HIVEP3: variants seen among roughly 807,000 people sequenced by gnomAD.
The protein encoded by HIVEP3 is transcription factor HIVEP3.
A neutral mutation model predicts 152.8 loss-of-function variants in HIVEP3; 49 were observed. The observed-to-expected ratio is 0.32, with a 90% CI of 0.26 to 0.41. The LOEUF (loss-of-function observed/expected upper bound fraction) is 0.41, where lower values mean the gene tolerates loss of function less well. HIVEP3 is among the 10% of genes least tolerant of loss of function. HIVEP3 has a pLI of 1.00. For synonymous variants in HIVEP3, 1,269 were observed against 1,289.0 expected (o/e 0.98, Z 0.33); for missense variants, 2,790 against 3,103.3 (o/e 0.90, Z 2.40).
At chr1:41,867,932 C>A (rs698047) in intron 1 of HIVEP3, among the ~76,000 whole-genome samples, 2 of 142,356 alleles carry the variant, frequency 1.4e-5, no homozygotes, top group Admixed American at 7.0e-5. Flanking sequence ...GCCCTCCCCC[C>A]TCCCCTTCCA....
At chr1:41,771,731 T>C (rs1336189897) in intron 1 of HIVEP3, among the ~76,000 whole-genome samples, 1 of 152,068 alleles carries the variant, frequency 6.6e-6, no homozygotes, top group African/African-American at 2.4e-5. Context: ...TGCAGTGGTG[T>C]AATCTTGGCT....
At chr1:41,675,825 T>G (rs1645945788) in intron 2 of HIVEP3, among the ~76,000 whole-genome samples, 1 of 152,130 alleles carries the variant, frequency 6.6e-6, no homozygotes, top group Admixed American at 6.5e-5. Context: ...GGGTGGTGGG[T>G]GAGCCCATGG....
rs1341502248 is a variant in HIVEP3, at chr1:41,510,085, G to T, written c.*366C>A. On this transcript the variant is annotated 3_prime_UTR_variant, in exon 9 of 9. Coordinates refer to ENST00000372583, the MANE Select transcript of HIVEP3 (RefSeq NM_024503.5). Reference sequence around the variant, plus strand: ...AAGTTTCCTTTTCCTTTCTCCCTCAGTGTACCCCTTTCCCTCTGCCAGCCT... The same window carrying T: ...AAGTTTCCTTTTCCTTTCTCCCTCATTGTACCCCTTTCCCTCTGCCAGCCT... 1 of 193,924 alleles carries T rather than the reference G, an allele frequency of 5.2e-6. No individual in the cohort carries two copies. The highest frequency in any genetic ancestry group is 1.2e-4 in the East Asian group (1 of 8,130). 12.0% of individuals were successfully genotyped at this position (193,924 alleles called of 1,614,324 possible).
intron 1 of HIVEP3, among the ~76,000 whole-genome samples, chr1:42,028,016 G>A (rs1645592195): frequency 6.6e-6 from 1 of 152,098 alleles, no homozygotes; most frequent in Admixed American, 6.5e-5. Flanking sequence ...ATTTCTTCAT[G>A]GCTTACTTTT....
At chr1:41,689,454 A>G (rs1415530464) in intron 2 of HIVEP3, among the ~76,000 whole-genome samples, 1 of 152,176 alleles carries the variant, frequency 6.6e-6, no homozygotes, top group African/African-American at 2.4e-5. Context: ...GGGTAGGGTC[A>G]CTGGTGGGGA....
At chr1:41,811,427 T>C (rs1259101179) in intron 1 of HIVEP3, among the ~76,000 whole-genome samples, 4 of 151,814 alleles carry the variant, frequency 2.6e-5, no homozygotes, top group Non-Finnish European at 1.5e-5. Context: ...CCTCACCCCA[T>C]AGAAACACAA....
chr1:41,872,491 T>A (rs551678606), intron 1 of HIVEP3, among the ~76,000 whole-genome samples: 3 of 152,126 alleles, frequency 2.0e-5, no homozygotes, highest in Non-Finnish European at 4.4e-5. Context: ...AAGTACGGAG[T>A]CCTTCTCAGG....
intron 1 of HIVEP3, among the ~76,000 whole-genome samples, chr1:41,728,254 A>T (rs1461471851): frequency 6.6e-6 from 1 of 152,192 alleles, no homozygotes; most frequent in Middle Eastern, 3.2e-3. Flanking sequence ...AAGCTAGAAC[A>T]ATAAGCATAT....
intron 1 of HIVEP3, among the ~76,000 whole-genome samples, chr1:42,027,843 T>A (rs1201870558): frequency 6.6e-6 from 1 of 152,084 alleles, no homozygotes; most frequent in Admixed American, 6.5e-5. Context: ...CTCATGAGAC[T>A]CACTATCACG....
intron 1 of HIVEP3, among the ~76,000 whole-genome samples, chr1:41,977,619 C>T (rs1195872768): frequency 1.3e-5 from 2 of 152,256 alleles, no homozygotes; most frequent in Non-Finnish European, 2.9e-5. Context: ...TTCATCAGAA[C>T]ATCTGCGAAT....
chr1:41,815,693 G>A (rs931513241), intron 1 of HIVEP3, among the ~76,000 whole-genome samples: 1 of 151,864 alleles, frequency 6.6e-6, no homozygotes, highest in Non-Finnish European at 1.5e-5. Context: ...GGAGAACCAG[G>A]CATGAAAACA....
intron 5 of HIVEP3, among the ~76,000 whole-genome samples, chr1:41,567,418 T>C (rs894597378): frequency 1.3e-5 from 2 of 152,112 alleles, no homozygotes; most frequent in Non-Finnish European, 2.9e-5. Flanking sequence ...TTTGGAGGTA[T>C]AAAGAAAAAG....
At chr1:41,660,312 G>A (rs1296271912) in intron 2 of HIVEP3, among the ~76,000 whole-genome samples, 1 of 152,200 alleles carries the variant, frequency 6.6e-6, no homozygotes, top group African/African-American at 2.4e-5. Flanking sequence ...TTGGTAACTG[G>A]TCATCACTTA....
chr1:41,655,467 C>T (rs968804613), intron 2 of HIVEP3, among the ~76,000 whole-genome samples: 2 of 151,124 alleles, frequency 1.3e-5, no homozygotes, highest in Non-Finnish European at 2.9e-5. Context: ...CCTGTAATCC[C>T]AGCTACTTGG....
intron 1 of HIVEP3, among the ~76,000 whole-genome samples, chr1:41,886,731 A>T (rs943424552): frequency 7.9e-5 from 10 of 126,936 alleles, no homozygotes; most frequent in African/African-American, 2.9e-4. Context: ...AAAAAAAAAA[A>T]AAAAAAAGAA....
At chr1:41,667,719 C>A (rs906140461) in intron 2 of HIVEP3, among the ~76,000 whole-genome samples, 18 of 152,204 alleles carry the variant, frequency 1.2e-4, no homozygotes, top group Non-Finnish European at 2.4e-4. Flanking sequence ...CTCCCCTATA[C>A]CTCAGTTTTC....
intron 1 of HIVEP3, among the ~76,000 whole-genome samples, chr1:42,026,400 T>C (rs982041056): frequency 6.6e-6 from 1 of 152,228 alleles, no homozygotes; most frequent in Non-Finnish European, 1.5e-5. Flanking sequence ...AGTGTTTTAG[T>C]CTCTCCTCAT....
At chr1:41,595,432 C>A (rs1033189144) in intron 3 of HIVEP3, among the ~76,000 whole-genome samples, 62 of 152,270 alleles carry the variant, frequency 4.1e-4, no homozygotes, top group African/African-American at 1.5e-3. Flanking sequence ...GAACTCTCTG[C>A]CTTTACACAT....
At chr1:41,835,575 C>G (rs1643097373) in intron 1 of HIVEP3, among the ~76,000 whole-genome samples, 1 of 152,230 alleles carries the variant, frequency 6.6e-6, no homozygotes, top group Admixed American at 6.5e-5. Context: ...AGATTCCTAT[C>G]AAATTAGATT....
Sources: gnomAD v4.1 joint callset for allele counts (sites outside exome capture counted in the v4.1 genomes callset) on GRCh38, gnomAD v4.1.1 for gene constraint, MANE v1.5 for transcripts, NCBI Gene and HGNC (gene_info 2026-07-23, HGNC 2026-07-21) for gene names.